CACNA2D3: variants seen among roughly 807,000 people sequenced by gnomAD.
CACNA2D3 encodes the protein voltage-dependent calcium channel subunit alpha-2/delta-3.
CACNA2D3 carries 60 observed loss-of-function variants against 160.6 expected under a neutral mutation model. That is an observed-to-expected ratio of 0.37 (90% CI 0.30 to 0.46). The LOEUF (loss-of-function observed/expected upper bound fraction) is 0.46. Ranked by LOEUF, CACNA2D3 falls within the 20% of genes least tolerant of loss-of-function variation. The probability of loss-of-function intolerance (pLI) is 1.00; values close to 1 mark genes in which losing one functional copy is unlikely to be tolerated. For synonymous variants in CACNA2D3, 558 were observed against 492.9 expected, an observed-to-expected ratio of 1.13 and a Z score of -1.75; for missense variants, 1,205 against 1,365.0, an observed-to-expected ratio of 0.88 and a Z score of 1.85.
At position 54,588,259 on chromosome 3, in the gene CACNA2D3, C is replaced by T. The variant is rs890342483; in HGVS notation, c.963+6382C>T. Among the ~76,000 whole-genome samples the T allele has an allele frequency of 5.9e-5, 9 of 152,210 alleles. No individual in the cohort carries two copies. The East Asian group carries it at 1.7e-3, about 29-fold the overall frequency. ...CAGAAAAGGCATTTGATAAAAAACACCCTTTATAATTTTAAAAATACAAAA... is the reference window on the plus strand; with the variant it reads ...CAGAAAAGGCATTTGATAAAAAACATCCTTTATAATTTTAAAAATACAAAA... On this transcript the variant is annotated intron_variant, in intron 9 of 37. Transcript: ENST00000474759.
At chr3:54,603,109 A>G (rs566978752) in intron 9 of CACNA2D3, among the ~76,000 whole-genome samples, 32 of 152,342 alleles carry the variant, frequency 2.1e-4, no homozygotes, top group South Asian at 6.2e-4. Context: ...GCAAGCTTCA[A>G]TCAGCTATGC....
chr3:54,603,756 G>A (rs1246217590), intron 9 of CACNA2D3, among the ~76,000 whole-genome samples: 1 of 152,146 alleles, frequency 6.6e-6, no homozygotes. Context: ...AAACAATCAA[G>A]AATATGGATA....
intron 4 of CACNA2D3, among the ~76,000 whole-genome samples, chr3:54,453,622 C>G (rs866504898): frequency 6.6e-6 from 1 of 152,170 alleles, no homozygotes; most frequent in South Asian, 2.1e-4. Flanking sequence ...AGATTTCAGG[C>G]AGGGCCCAGT....
chr3:54,887,845 C>G (rs1699961567), intron 23 of CACNA2D3, 114 bp from the exon 24 acceptor site: 1 of 771,766 alleles, frequency 1.3e-6, no homozygotes, highest in Admixed American at 2.1e-5. Context: ...ACTCATAAAG[C>G]AACATGCCGC....
intron 13 of CACNA2D3, chr3:54,789,925 A>G (rs777137242): frequency 1.2e-5 from 6 of 498,310 alleles, no homozygotes; most frequent in Non-Finnish European, 2.4e-5. Context: ...CTCTGTTTTG[A>G]GATTCACCCT....
intron 27 of CACNA2D3, among the ~76,000 whole-genome samples, chr3:54,923,737 C>T (rs1234978385): frequency 1.3e-5 from 2 of 152,026 alleles, no homozygotes; most frequent in Non-Finnish European, 2.9e-5. Flanking sequence ...GGGTCAAGAC[C>T]CAAAAGCCAT....
chr3:54,163,278 T>G (rs1051242723), intron 2 of CACNA2D3, among the ~76,000 whole-genome samples: 1 of 152,198 alleles, frequency 6.6e-6, no homozygotes, highest in African/African-American at 2.4e-5. Flanking sequence ...GTAAGTACTG[T>G]GAAGGAAAAT....
chr3:54,654,228 G>T (rs1699833008), intron 11 of CACNA2D3, among the ~76,000 whole-genome samples: 1 of 152,068 alleles, frequency 6.6e-6, no homozygotes, highest in Non-Finnish European at 1.5e-5. Flanking sequence ...TCCATTTTCT[G>T]CAGGCAGAAC....
chr3:54,819,847 A>G (rs1197279972), intron 14 of CACNA2D3, among the ~76,000 whole-genome samples: 1 of 152,150 alleles, frequency 6.6e-6, no homozygotes, highest in African/African-American at 2.4e-5. Flanking sequence ...CCACCTCAAA[A>G]AACACACACA....
intron 4 of CACNA2D3, among the ~76,000 whole-genome samples, chr3:54,394,561 T>C (rs1181806206): frequency 1.6e-5 from 2 of 123,248 alleles, no homozygotes; most frequent in Non-Finnish European, 3.3e-5. Context: ...TGAGTGAGAA[T>C]ATGCGGTGTT....
chr3:54,551,508 G>C (rs769500912), intron 5 of CACNA2D3, among the ~76,000 whole-genome samples: 36 of 152,136 alleles, frequency 2.4e-4, no homozygotes, highest in Non-Finnish European at 3.7e-4. Context: ...ACAATCAGAC[G>C]ATGTAAAAGA....
intron 14 of CACNA2D3, among the ~76,000 whole-genome samples, chr3:54,820,576 T>C (rs1420980599): frequency 1.3e-5 from 2 of 152,172 alleles, no homozygotes; most frequent in Admixed American, 6.5e-5. Flanking sequence ...TTAGCAAATA[T>C]GGAGGTAGTG....
chr3:54,803,942 A>T (rs1234911264), intron 13 of CACNA2D3, among the ~76,000 whole-genome samples: 1 of 152,204 alleles, frequency 6.6e-6, no homozygotes, highest in Non-Finnish European at 1.5e-5. Context: ...AGAATTTCAT[A>T]TCCAGTCAAA....
chr3:54,261,238 T>G (rs756059541), intron 2 of CACNA2D3, among the ~76,000 whole-genome samples: 2 of 152,206 alleles, frequency 1.3e-5, no homozygotes, highest in Admixed American at 1.3e-4. Context: ...CATGGATGCT[T>G]TGATTCTTAT....
At chr3:54,942,035 T>C (rs187154829) in intron 27 of CACNA2D3, among the ~76,000 whole-genome samples, 74 of 152,368 alleles carry the variant, frequency 4.9e-4, no homozygotes, top group African/African-American at 1.7e-3. Flanking sequence ...GATCAGTTTC[T>C]TTCTTGTAAA....
intron 27 of CACNA2D3, among the ~76,000 whole-genome samples, chr3:54,960,776 A>G (rs1175746519): frequency 1.3e-5 from 2 of 152,214 alleles, no homozygotes; most frequent in African/African-American, 4.8e-5. Context: ...TTTTTTGTCC[A>G]ACATTCCATC....
chr3:54,319,157 GAC>G (rs58790730), intron 2 of CACNA2D3, among the ~76,000 whole-genome samples: 22,710 of 138,702 alleles, frequency 0.16, 1,997 homozygotes, highest in African/African-American at 0.26. Context: ...AGCATTTTGT[GAC>G]ACACACACAC....
chr3:54,828,099 T>C (rs571751025), intron 14 of CACNA2D3, among the ~76,000 whole-genome samples: 56 of 152,254 alleles, frequency 3.7e-4, no homozygotes, highest in Middle Eastern at 6.8e-3. Flanking sequence ...TAGGGAAGGT[T>C]TTATGGAGGA....
intron 5 of CACNA2D3, among the ~76,000 whole-genome samples, chr3:54,528,821 A>G (rs1444782847): frequency 6.6e-6 from 1 of 152,164 alleles, no homozygotes; most frequent in Non-Finnish European, 1.5e-5. Flanking sequence ...TCAGAGCCCT[A>G]ATAAAGAAAA....
Sources: gnomAD v4.1 joint callset for allele counts (sites outside exome capture counted in the v4.1 genomes callset) on GRCh38, gnomAD v4.1.1 for gene constraint, MANE v1.5 for transcripts, NCBI Gene and HGNC (gene_info 2026-07-23, HGNC 2026-07-21) for gene names.